Variants in SCAMP5 observed in about 807,000 individuals in gnomAD.
The protein encoded by SCAMP5 is secretory carrier-associated membrane protein 5.
In SCAMP5, 7 loss-of-function variants were observed where a neutral mutation model predicts 28.3. The ratio of observed to expected loss-of-function variants is 0.25; its 90% CI spans 0.14 to 0.46. The LOEUF (loss-of-function observed/expected upper bound fraction) is 0.46, where lower values mean the gene tolerates loss of function less well. Among genes scored for constraint, SCAMP5 ranks in the 20% least tolerant of loss-of-function variants. The pLI is 0.99. For synonymous variants in SCAMP5, 117 were observed against 116.4 expected, an observed-to-expected ratio of 1.00 and a Z score of -0.03; for missense variants, 192 against 312.5, an observed-to-expected ratio of 0.61 and a Z score of 2.91.
chr15:75,017,807 C>T (rs1292063944), intron 4 of SCAMP5, 63 bp from the exon 5 acceptor site: 4 of 1,017,222 alleles, frequency 3.9e-6, no homozygotes, highest in Admixed American at 3.4e-5. Flanking sequence ...GGCTTGGGGG[C>T]CTTGAAGGCA....
At chr15:75,004,173 G>C (rs1342484042) in intron 1 of SCAMP5, among the ~76,000 whole-genome samples, 1 of 151,958 alleles carries the variant, frequency 6.6e-6, no homozygotes, top group Admixed American at 6.6e-5. Flanking sequence ...CAAAGTGCTG[G>C]TATTACAGGC....
intron 3 of SCAMP5, among the ~76,000 whole-genome samples, chr15:75,015,430 C>T (rs2065849444): frequency 6.7e-6 from 1 of 149,014 alleles, no homozygotes; most frequent in Admixed American, 6.7e-5. Context: ...CCTCCTAGTT[C>T]AGCTAGATGA....
intron 1 of SCAMP5, among the ~76,000 whole-genome samples, chr15:75,000,486 G>A (rs1204039953): frequency 2.6e-5 from 4 of 151,872 alleles, no homozygotes; most frequent in Non-Finnish European, 5.9e-5. Flanking sequence ...CTGGGTTCAT[G>A]CCATTCTCCT....
chr15:75,018,333 G>A lies in SCAMP5; in HGVS notation c.396-85G>A, dbSNP rs1384871860. On this transcript the variant is annotated intron_variant, in intron 5 of 6. Coordinates refer to ENST00000425597, the MANE Select transcript of SCAMP5 (RefSeq NM_138967.4). This position sits in a 1 kb window ranked among gnomAD's most constrained non-coding sequence, Gnocchi z 5.6. ...TCCAGTGATATGTTTCCTCCCTGTGGCAATGAGACGGTCCCTTCCTCTAGC... is the reference window on the plus strand; with the variant it reads ...TCCAGTGATATGTTTCCTCCCTGTGACAATGAGACGGTCCCTTCCTCTAGC... 11 of 829,688 alleles carry A rather than the reference G, an allele frequency of 1.3e-5. No individual in the cohort carries two copies. Among genetic ancestry groups the A allele is most frequent in the East Asian group, 2.4e-5 (1 of 41,252 alleles). The allele number at this position is 829,688 out of a possible 1,614,324, so 51.4% of individuals were successfully genotyped here.
At chr15:75,001,695 C>A (rs1172502898) in intron 1 of SCAMP5, among the ~76,000 whole-genome samples, 1 of 151,748 alleles carries the variant, frequency 6.6e-6, no homozygotes, top group African/African-American at 2.4e-5. Flanking sequence ...GTGGTGAAAC[C>A]CCGTCTCTAT....
rs13056 is a variant in SCAMP5 at position 75,019,846 on chromosome 15, A to G, written c.*863A>G. On this transcript the variant is annotated 3_prime_UTR_variant, in exon 7 of 7. Transcript: ENST00000425597. The stretch of plus-strand genomic sequence containing the variant: ...ACCCCCAGGGGATGAAAATGCAAGG[A>G]TGAGTCTGCTTGGGCCTGAGAGTTT... The G allele has an allele frequency of 0.32, 48,547 of 152,402 alleles. 9,067 individuals are homozygous for G. The highest frequency in any genetic ancestry group is 0.62 in the East Asian group (3,169 of 5,146). The allele number at this position is 152,402 out of a possible 1,614,324, so 9.4% of individuals were successfully genotyped here.
In SCAMP5 at chr15:74,996,001, G is replaced by GC. The variant is rs986706859; in HGVS notation, c.-49+332dup. 2.0e-5 allele frequency: 3 copies of GC among 152,936 alleles called. No individual in the cohort carries two copies. Among genetic ancestry groups the GC allele is most frequent in the African/African-American group, 7.2e-5 (3 of 41,438 alleles). 9.5% of individuals were successfully genotyped at this position (152,936 alleles called of 1,614,324 possible). Reference sequence around the variant, plus strand: ...TTTGGGCCCTCCATCCCCCCCGCCAGCCCCACCTGGCGTTCCCTGGAAACC... The same window carrying GC: ...TTTGGGCCCTCCATCCCCCCCGCCAGCCCCCACCTGGCGTTCCCTGGAAACC... On this transcript the variant is annotated intron_variant, in intron 1 of 6. Coordinates refer to ENST00000425597, the MANE Select transcript of SCAMP5 (RefSeq NM_138967.4). This position sits in a 1 kb window ranked among gnomAD's most constrained non-coding sequence, Gnocchi z 4.1.
chr15:75,004,724 C>A (rs1315862716), intron 1 of SCAMP5, among the ~76,000 whole-genome samples: 2 of 150,374 alleles, frequency 1.3e-5, no homozygotes, highest in Non-Finnish European at 3.0e-5. Context: ...CAGAGTGAGA[C>A]CCTGTCTCAA....
chr15:75,018,524 G>A lies in SCAMP5; in HGVS notation c.502G>A (p.Ala168Thr), dbSNP rs369019651. The change falls in exon 6 of 7, where the codon GCC becomes ACC. Residue 168 changes from alanine to threonine, a missense_variant. Physicochemically the swap from Ala to Thr is moderately conservative, Grantham distance 58. Transcript: ENST00000425597. This position sits in a 1 kb window ranked among gnomAD's most constrained non-coding sequence, Gnocchi z 5.6. ...AGTGATGGCCGTCTTTTCCTTCATCGCCCTCAGCATGGTACGTGGTCCCCT... is the reference window on the plus strand; with the variant it reads ...AGTGATGGCCGTCTTTTCCTTCATCACCCTCAGCATGGTACGTGGTCCCCT... The part of the protein sequence containing the change: ...FTVMAVFSFI[A>T]LSMVHKFYRG... 19 of 1,607,446 alleles carry A rather than the reference G, an allele frequency of 1.2e-5. No individual in the cohort carries two copies. The highest frequency in any genetic ancestry group is 1.7e-5 in the Admixed American group (1 of 59,958).
At chr15:75,005,587 G>A (rs1473534224) in intron 1 of SCAMP5, among the ~76,000 whole-genome samples, 5 of 152,002 alleles carry the variant, frequency 3.3e-5, no homozygotes, top group East Asian at 1.9e-4. Context: ...CATTTGTCTC[G>A]TAGAATTTCC....
At chr15:75,011,883 C>T in intron 2 of SCAMP5, 37 bp downstream of exon 2, 1 of 1,595,052 alleles carries the variant, frequency 6.3e-7, no homozygotes, top group Non-Finnish European at 8.6e-7. Flanking sequence ...TAGGACATGA[C>T]AGTGAGCATA....
chr15:75,016,817 C>A, intron 4 of SCAMP5, 68 bp downstream of exon 4: 41 of 1,223,214 alleles, frequency 3.4e-5, no homozygotes, highest in Non-Finnish European at 3.8e-5. Flanking sequence ...TTCTCCATAT[C>A]TTTTCTCACT....
At position 75,019,032 on chromosome 15, in the gene SCAMP5, G is replaced by A; in HGVS notation, c.*49G>A. ...AGAGCTGGGGCCATTGGGACAGGGG[G>A]CTCAAGCCACATCGTCATTTGTGGT... On this transcript the variant is annotated 3_prime_UTR_variant, in exon 7 of 7. Transcript: ENST00000425597. 1 of 1,313,210 alleles carries A rather than the reference G, an allele frequency of 7.6e-7. No individual in the cohort carries two copies. Among genetic ancestry groups the A allele is most frequent in the Non-Finnish European group, 1.0e-6 (1 of 973,156 alleles). The allele number at this position is 1,313,210 out of a possible 1,614,324, so 81.3% of individuals were successfully genotyped here.
chr15:75,004,660 G>A (rs12912959), intron 1 of SCAMP5, among the ~76,000 whole-genome samples: 129,405 of 151,870 alleles, frequency 0.85, 56,632 homozygotes, highest in East Asian at 0.95. Flanking sequence ...AGCCTGGGAG[G>A]TTGAGACTGC....
At chr15:75,002,402 C>A (rs2065718169) in intron 1 of SCAMP5, among the ~76,000 whole-genome samples, 1 of 151,864 alleles carries the variant, frequency 6.6e-6, no homozygotes, top group Admixed American at 6.6e-5. Flanking sequence ...CTAAAATGAC[C>A]CCCAGCTGCA....
At chr15:75,001,628 T>G (rs774791283) in intron 1 of SCAMP5, among the ~76,000 whole-genome samples, 1 of 151,894 alleles carries the variant, frequency 6.6e-6, no homozygotes, top group African/African-American at 2.4e-5. Flanking sequence ...CCCAGCACTT[T>G]GGGAGGTTGA....
At chr15:75,011,066 C>T (rs942457290) in intron 1 of SCAMP5, among the ~76,000 whole-genome samples, 2 of 151,992 alleles carry the variant, frequency 1.3e-5, no homozygotes, top group Non-Finnish European at 1.5e-5. Flanking sequence ...TTAGCTGGGC[C>T]TGGTGGTGCA....
Position 75,017,866 on chromosome 15 carries a change from G to A in SCAMP5, c.294-4G>A, listed in dbSNP as rs758428375. The A allele has an allele frequency of 1.9e-5, 31 of 1,607,972 alleles. No individual in the cohort carries two copies. Among genetic ancestry groups the A allele is most frequent in the East Asian group, 4.5e-5 (2 of 44,870 alleles). On this transcript the variant is annotated splice_region_variant and splice_polypyrimidine_tract_variant and intron_variant, in intron 4 of 6. Coordinates refer to ENST00000425597, the MANE Select transcript of SCAMP5 (RefSeq NM_138967.4). ...GGTGACGGGAGCCACCTCCTCTGCC[G>A]CAGGACTGACAGCTCCTTCAGTTTC...
At chr15:75,000,585 C>T (rs113309567) in intron 1 of SCAMP5, among the ~76,000 whole-genome samples, 1,668 of 151,704 alleles carry the variant, frequency 0.011, 33 homozygotes, top group African/African-American at 0.038. Flanking sequence ...GAGGTTTCAC[C>T]GTGTTAGCCA....
Sources: allele counts gnomAD v4.1 joint callset (sites outside exome capture counted in the v4.1 genomes callset), GRCh38; gene constraint gnomAD v4.1.1; non-coding constraint Gnocchi (gnomAD v3.1); transcripts MANE v1.5; gene names NCBI Gene and HGNC (gene_info 2026-07-23, HGNC 2026-07-21).